SMAD9: variants seen among roughly 807,000 people sequenced by gnomAD.
The protein encoded by SMAD9 is SMAD family member 9.
SMAD9 carries 36 observed loss-of-function variants against 46.1 expected under a neutral mutation model. The ratio of observed to expected loss-of-function variants is 0.78; its 90% CI spans 0.60 to 1.03. The LOEUF is 1.03. SMAD9 is among the 50% of genes least tolerant of loss of function. The pLI, the probability that SMAD9 is intolerant of heterozygous loss-of-function variation, is 0.00. For synonymous variants in SMAD9, 245 were observed against 237.1 expected, an observed-to-expected ratio of 1.03 and a Z score of -0.31; for missense variants, 572 against 599.8, an observed-to-expected ratio of 0.95 and a Z score of 0.48.
rs1229647615 is a variant in SMAD9 at position 36,879,667 on chromosome 13, C to A, written c.23G>T (p.Ser8Ile). 1.2e-6 allele frequency: 2 copies of A among 1,614,034 alleles called. No individual in the cohort carries two copies. The highest frequency in any genetic ancestry group is 8.5e-7 in the Non-Finnish European group (1 of 1,180,044). Residue 8 changes from serine to isoleucine, a missense_variant, in exon 2 of 7, where the codon AGC (serine) becomes ATC (isoleucine). Physicochemically the swap from Ser to Ile is moderately radical, Grantham distance 142. Transcript: ENST00000379826. ...GGGGCTGGTGAAGGAGAAGAGGGAG[C>A]TGATGGGGGTGGTGGAGTGCATAAG... The part of the protein sequence containing the change: MHSTTPI[S>I]SLFSFTSPAV...
chr13:36,851,012 C>A (rs551384149), intron 6 of SMAD9, among the ~76,000 whole-genome samples: 50 of 152,324 alleles, frequency 3.3e-4, no homozygotes, highest in South Asian at 1.7e-3. Context: ...CTGACTATTA[C>A]TATAGCCTCC....
At chr13:36,884,069 T>C (rs2058425556) in intron 1 of SMAD9, among the ~76,000 whole-genome samples, 1 of 152,152 alleles carries the variant, frequency 6.6e-6, no homozygotes, top group African/African-American at 2.4e-5. Flanking sequence ...TGGGACTACT[T>C]GTAGTAGTCT....
intron 1 of SMAD9, among the ~76,000 whole-genome samples, chr13:36,914,197 C>G (rs967686141): frequency 6.6e-6 from 1 of 152,162 alleles, no homozygotes; most frequent in African/African-American, 2.4e-5. Flanking sequence ...TCAAACTTCT[C>G]AACAGTGCTA....
At position 36,850,889 on chromosome 13, in the gene SMAD9, G is replaced by A. The variant is rs116331226; in HGVS notation, c.1261-2070C>T. Among the ~76,000 whole-genome samples the A allele has an allele frequency of 7.2e-3, 1,100 of 152,212 alleles. 9 individuals carry two copies. The highest frequency in any genetic ancestry group is 0.018 in the African/African-American group (757 of 41,522). On this transcript the variant is annotated intron_variant, in intron 6 of 6. Transcript: ENST00000379826. ...TGCGTCTTCTCCATCTTGATTGAAG[G>A]CAACTAACTTCATCTTCCTCTTTTT...
chr13:36,906,332 G>A (rs1214407978), intron 1 of SMAD9, among the ~76,000 whole-genome samples: 1 of 151,982 alleles, frequency 6.6e-6, no homozygotes, highest in Non-Finnish European at 1.5e-5. Context: ...CGTATGTTAT[G>A]GAATTCCACG....
intron 1 of SMAD9, among the ~76,000 whole-genome samples, chr13:36,911,852 G>A (rs1010375479): frequency 3.9e-5 from 6 of 152,160 alleles, no homozygotes; most frequent in African/African-American, 1.4e-4. Context: ...GGGATTACAG[G>A]CATGTGCCAC....
chr13:36,876,567 A>G (rs896760024), intron 2 of SMAD9, among the ~76,000 whole-genome samples: 6 of 152,218 alleles, frequency 3.9e-5, no homozygotes, highest in Non-Finnish European at 8.8e-5. Flanking sequence ...GTCTTTTTAA[A>G]ATTTCATTTG....
chr13:36,894,709 G>A, intron 1 of SMAD9, among the ~76,000 whole-genome samples: 1 of 152,048 alleles, frequency 6.6e-6, no homozygotes, highest in African/African-American at 2.4e-5. Flanking sequence ...CCTGCCCGAT[G>A]CTTTGTACTT....
intron 6 of SMAD9, among the ~76,000 whole-genome samples, chr13:36,850,866 C>T (rs561804460): frequency 3.3e-4 from 50 of 152,336 alleles, no homozygotes; most frequent in South Asian, 1.7e-3. Flanking sequence ...ATTACACCTG[C>T]GTCTTCTCCA....
At position 36,858,509 on chromosome 13, in the gene SMAD9, C is replaced by T. The variant is rs542719801; in HGVS notation, c.1004-4834G>A. 2.0e-5 allele frequency among the ~76,000 whole-genome samples: 3 copies of T among 152,302 alleles called. No individual in the cohort carries two copies. In the South Asian group the frequency reaches 6.2e-4, roughly 32 times the overall value. On this transcript the variant is annotated intron_variant, in intron 5 of 6. Transcript: ENST00000379826. The stretch of plus-strand genomic sequence containing the variant: ...CCCCTGATGACCAAGTTTCTCAGGA[C>T]AACATGATAAACAAGCTTGTTTGGG...
At chr13:36,858,898 G>T (rs919647744) in intron 5 of SMAD9, among the ~76,000 whole-genome samples, 2 of 152,058 alleles carry the variant, frequency 1.3e-5, no homozygotes, top group African/African-American at 4.8e-5. Context: ...TTTTTGTAGT[G>T]ACAGGGTCTC....
At chr13:36,863,398 G>A (rs986516374) in intron 5 of SMAD9, among the ~76,000 whole-genome samples, 22 of 152,188 alleles carry the variant, frequency 1.4e-4, no homozygotes, top group African/African-American at 5.3e-4. Flanking sequence ...GCATCGAGGG[G>A]AGCACTATTA....
chr13:36,910,504 A>G (rs1298923688), intron 1 of SMAD9, among the ~76,000 whole-genome samples: 1 of 152,112 alleles, frequency 6.6e-6, no homozygotes, highest in African/African-American at 2.4e-5. Flanking sequence ...AAAGCCCACT[A>G]AATATCATGA....
chr13:36,918,842 T>A (rs2058718596), intron 1 of SMAD9, among the ~76,000 whole-genome samples: 1 of 152,228 alleles, frequency 6.6e-6, no homozygotes, highest in African/African-American at 2.4e-5. Context: ...AGTAGTCACA[T>A]TTCACTTTCC....
intron 1 of SMAD9, among the ~76,000 whole-genome samples, chr13:36,904,779 A>G (rs1268490817): frequency 1.3e-5 from 2 of 152,256 alleles, no homozygotes; most frequent in Non-Finnish European, 2.9e-5. Context: ...CTTTAAAGGC[A>G]GCAAGTATTT....
At chr13:36,920,274 C>A (rs1383555336), upstream of SMAD9, 3 of 149,392 alleles carry the variant, frequency 2.0e-5, no homozygotes, top group South Asian at 5.3e-4. Context: ...ATTAGTGCGC[C>A]GACCTGGAAA....
chr13:36,853,632 G>T lies in SMAD9; in HGVS notation c.1047C>A (p.Cys349Ter). ...GCACAAAGATGCTGCTGTCACTCAC[G>T]CACTCGGCATACACCTCTCCCCCGA... is the stretch of plus-strand genomic sequence containing the variant. ...YYVGGEVYAE[C>*]VSDSSIFVQS... The change falls in exon 6 of 7, where the codon TGC becomes TGA. Residue 349 changes from cysteine (C) to a stop codon, truncating the protein, a stop_gained. Transcript: ENST00000379826. LOFTEE classifies it high-confidence loss of function. 1 of 1,613,970 alleles carries T rather than the reference G, an allele frequency of 6.2e-7. No homozygotes were observed. The highest frequency in any genetic ancestry group is 8.5e-7 in the Non-Finnish European group (1 of 1,179,914).
chr13:36,917,937 T>C (rs559041775), intron 1 of SMAD9, among the ~76,000 whole-genome samples: 86 of 152,344 alleles, frequency 5.6e-4, no homozygotes, highest in Admixed American at 9.8e-4. Flanking sequence ...TTTTCATCTT[T>C]ATGAAACAAT....
chr13:36,888,409 C>T (rs921947596), intron 1 of SMAD9, among the ~76,000 whole-genome samples: 4 of 152,158 alleles, frequency 2.6e-5, no homozygotes, highest in African/African-American at 9.7e-5. Context: ...TTTCGAGGCT[C>T]CCCAGCTATG....
Sources: allele counts gnomAD v4.1 joint callset (sites outside exome capture counted in the v4.1 genomes callset), GRCh38; gene constraint gnomAD v4.1.1; transcripts MANE v1.5; gene names NCBI Gene and HGNC (gene_info 2026-07-23, HGNC 2026-07-21).